CD99: variants seen among roughly 807,000 people sequenced by gnomAD.
The protein encoded by CD99 is CD99 molecule (Xg blood group).
In CD99, 19 loss-of-function variants were observed where a neutral mutation model predicts 28.4. That is an observed-to-expected ratio of 0.67 (90% CI 0.47 to 0.98). The LOEUF is 0.98. Ranked by LOEUF, CD99 falls within the 50% of genes least tolerant of loss-of-function variation. The probability of loss-of-function intolerance (pLI) is 0.00; values close to 1 mark genes in which losing one functional copy is unlikely to be tolerated. For synonymous variants in CD99, 103 were observed against 92.1 expected (o/e 1.12, Z -0.67); for missense variants, 283 against 248.8 (o/e 1.14, Z -0.92).
chrX:2,740,024 G>A (rs1294629896), intron 9 of CD99, among the ~76,000 whole-genome samples: 10 of 151,902 alleles, frequency 6.6e-5, no homozygotes, highest in East Asian at 2.0e-4. Context: ...CCCGGGAGGC[G>A]GAGGTTGTGG....
intron 8 of CD99, among the ~76,000 whole-genome samples, chrX:2,734,030 G>T (rs1356014918): frequency 6.6e-6 from 1 of 152,184 alleles, no homozygotes. Flanking sequence ...TGGGTGGTCA[G>T]GTCCCTATTC....
chrX:2,710,306 CCGAGTCTCGTACGCCCTTGA>C (rs1338858126), intron 1 of CD99, among the ~76,000 whole-genome samples: 1 of 152,156 alleles, frequency 6.6e-6, no homozygotes, highest in African/African-American at 2.4e-5. Context: ...TAGAAACCTT[CCGAGTCTCGTACGCCCTTGA>C]CTGCCGTTTC....
intron 8 of CD99, among the ~76,000 whole-genome samples, chrX:2,736,580 G>T (rs1172575764): frequency 1.3e-5 from 2 of 151,872 alleles, no homozygotes; most frequent in African/African-American, 4.8e-5. Context: ...ATAGAGGGCC[G>T]GGCGTGGTGG....
intron 1 of CD99, among the ~76,000 whole-genome samples, chrX:2,694,528 G>C (rs1352475664): frequency 6.6e-6 from 1 of 152,056 alleles, no homozygotes; most frequent in African/African-American, 2.4e-5. Flanking sequence ...GAGGGCCGGT[G>C]GGTCACATGA....
chrX:2,726,694 G>A (rs769562596), intron 8 of CD99, among the ~76,000 whole-genome samples: 1 of 100,634 alleles, frequency 9.9e-6, no homozygotes, highest in East Asian at 2.4e-4. Context: ...CAGGAAAGCC[G>A]CTACAAGTTA....
intron 2 of CD99, chrX:2,715,583 C>G (rs6567640): frequency 0.48 from 73,756 of 152,088 alleles, 18,131 homozygotes; most frequent in South Asian, 0.56. Context: ...AGATCCTTCT[C>G]TTAAGCACAT....
In CD99 at chrX:2,734,776, CT is replaced by C. The variant is rs56157721; in HGVS notation, c.476-3415del. On this transcript the variant is annotated intron_variant, in intron 8 of 9. Coordinates refer to ENST00000381192, the MANE Select transcript of CD99 (RefSeq NM_002414.5). Reference sequence around the variant, plus strand: ...CTTATTTCTTTGACTTTTCTGATTTCTTTTTTTTTCTTATTTTCCTTTTTTT... The same window carrying C: ...CTTATTTCTTTGACTTTTCTGATTTCTTTTTTTTCTTATTTTCCTTTTTTT... Among the ~76,000 whole-genome samples the C allele has an allele frequency of 2.6e-3, 377 of 144,718 alleles. 1 individual carries two copies. Among genetic ancestry groups the C allele is most frequent in the African/African-American group, 9.3e-3 (363 of 39,220 alleles). 94.9% of individuals were successfully genotyped at this position (144,718 alleles called of 152,430 possible).
rs2124550341 is a variant in CD99, at chrX:2,714,450, TC to T, written c.98del (p.Pro33LeufsTer23). ...GTGGTTTCGATTTATCCGATGCCCTTCCTGGTGAGTATCAACATCATTTTTT... is the reference window on the plus strand; with the variant it reads ...GTGGTTTCGATTTATCCGATGCCCTTCTGGTGAGTATCAACATCATTTTTT... ...DGGFDLSDAL[P>X]DNENKKPTAI... On this transcript the variant is annotated frameshift_variant, in exon 2 of 10. Transcript: ENST00000381192. LOFTEE classifies it high-confidence loss of function. 1 of 1,601,324 alleles carries T rather than the reference TC, an allele frequency of 6.2e-7. No individual in the cohort carries two copies. The highest frequency in any genetic ancestry group is 2.2e-5 in the East Asian group (1 of 44,790).
intron 1 of CD99, among the ~76,000 whole-genome samples, chrX:2,699,007 G>T (rs1391133506): frequency 6.6e-6 from 1 of 150,512 alleles, no homozygotes; most frequent in Non-Finnish European, 1.5e-5. Flanking sequence ...GCTCACTGCA[G>T]CCTCAACCTC....
intron 1 of CD99, among the ~76,000 whole-genome samples, chrX:2,705,670 G>A (rs1275095432): frequency 6.6e-6 from 1 of 152,006 alleles, no homozygotes; most frequent in Non-Finnish European, 1.5e-5. Context: ...AATTGCAGTC[G>A]CCATGGTGTC....
intron 4 of CD99, 23 bp from the exon 5 acceptor site, chrX:2,720,333 C>G (rs777541827): frequency 1.9e-6 from 3 of 1,612,508 alleles, no homozygotes; most frequent in African/African-American, 2.7e-5. Flanking sequence ...CTTAAAATTG[C>G]AACTCTCATC....
intron 1 of CD99, among the ~76,000 whole-genome samples, chrX:2,696,393 C>CTT (rs2047573959): frequency 6.6e-6 from 1 of 152,018 alleles, no homozygotes; most frequent in Non-Finnish European, 1.5e-5. Flanking sequence ...TGCTGATATT[C>CTT]TTTCTTTTCT....
At chrX:2,701,389 G>A (rs2047856364) in intron 1 of CD99, among the ~76,000 whole-genome samples, 1 of 152,204 alleles carries the variant, frequency 6.6e-6, no homozygotes, top group Admixed American at 6.5e-5. Context: ...TTTGTTCTCT[G>A]CTTTGGAGGT....
At chrX:2,736,212 AAAAAAGAAAAG>A (rs1347164748) in intron 8 of CD99, among the ~76,000 whole-genome samples, 3 of 151,288 alleles carry the variant, frequency 2.0e-5, no homozygotes, top group Non-Finnish European at 3.0e-5. Context: ...AAAAAAAAAA[AAAAAAGAAAAG>A]AAAAAGAAAA....
intron 1 of CD99, among the ~76,000 whole-genome samples, chrX:2,700,381 GCATC>G (rs895007499): frequency 1.6e-4 from 24 of 151,836 alleles, no homozygotes; most frequent in Non-Finnish European, 2.4e-4. Flanking sequence ...ATGCATCCAT[GCATC>G]CATCCAGCCA....
intron 1 of CD99, among the ~76,000 whole-genome samples, chrX:2,696,539 T>G (rs1233053291): frequency 6.6e-6 from 1 of 152,180 alleles, no homozygotes; most frequent in East Asian, 1.9e-4. Context: ...TACCTGGGAT[T>G]ACAGGTGCCC....
At chrX:2,693,947 C>G (rs144950499) in intron 1 of CD99, among the ~76,000 whole-genome samples, 5,027 of 152,238 alleles carry the variant, frequency 0.033, 239 homozygotes, top group African/African-American at 0.1. Context: ...TTTCAAGGGC[C>G]AGGACGGCCT....
intron 7 of CD99, among the ~76,000 whole-genome samples, chrX:2,724,540 G>A (rs1054330492): frequency 2.1e-4 from 32 of 152,176 alleles, no homozygotes; most frequent in African/African-American, 6.7e-4. Flanking sequence ...AGGCTGAGGC[G>A]GGAGGATTGC....
chrX:2,729,602 G>A (rs1195498225), intron 8 of CD99, among the ~76,000 whole-genome samples: 5 of 152,116 alleles, frequency 3.3e-5, no homozygotes, highest in Admixed American at 2.0e-4. Flanking sequence ...GGGACACAGA[G>A]GCTCACCATA....
Sources: gnomAD v4.1 joint callset for allele counts (sites outside exome capture counted in the v4.1 genomes callset) on GRCh38, gnomAD v4.1.1 for gene constraint, MANE v1.5 for transcripts, NCBI Gene and HGNC (gene_info 2026-07-23, HGNC 2026-07-21) for gene names.